STAU2: variants seen among roughly 807,000 people sequenced by gnomAD.
STAU2 encodes staufen double-stranded RNA binding protein 2.
In STAU2, 20 loss-of-function variants were observed where a neutral mutation model predicts 65.9. That is an observed-to-expected ratio of 0.30 (90% CI 0.21 to 0.44). The LOEUF is 0.44. STAU2 is among the 20% of genes least tolerant of loss of function. STAU2 has a pLI of 1.00. For synonymous variants in STAU2, 232 were observed against 233.9 expected (o/e 0.99, Z 0.07); for missense variants, 558 against 683.9 (o/e 0.82, Z 2.05).
At chr8:73,682,334 C>A (rs1340043550) in intron 5 of STAU2, among the ~76,000 whole-genome samples, 5 of 151,614 alleles carry the variant, frequency 3.3e-5, no homozygotes, top group Admixed American at 6.6e-5. Context: ...ACTCAAAAAG[C>A]ATGCAAATAC....
At chr8:73,461,375 C>T (rs896258517) in intron 13 of STAU2, among the ~76,000 whole-genome samples, 1 of 152,012 alleles carries the variant, frequency 6.6e-6, no homozygotes, top group African/African-American at 2.4e-5. Flanking sequence ...AATAATTATT[C>T]CAGCCTTAGT....
intron 6 of STAU2, among the ~76,000 whole-genome samples, chr8:73,624,509 T>C (rs1813496711): frequency 1.3e-5 from 2 of 152,228 alleles, no homozygotes; most frequent in African/African-American, 4.8e-5. Context: ...TGCCAGGCAC[T>C]ATTCCAAGCA....
At position 73,672,741 on chromosome 8, in the gene STAU2, T is replaced by A. The variant is rs530626081; in HGVS notation, c.410+366A>T. Among the ~76,000 whole-genome samples, 29 of 152,112 alleles carry A rather than the reference T, an allele frequency of 1.9e-4. 1 individual carries two copies. The South Asian group carries it at 6.0e-3, about 32-fold the overall frequency. On this transcript the variant is annotated intron_variant, in intron 6 of 14. Transcript: ENST00000524300. Reference sequence around the variant, plus strand: ...ATGTTCACTAATGTATTTAGACAAATCAAGAAAAAAACTGAGCTCTGCTTG... The same window carrying A: ...ATGTTCACTAATGTATTTAGACAAAACAAGAAAAAAACTGAGCTCTGCTTG...
At position 73,466,102 on chromosome 8, in the gene STAU2, C is replaced by T. The variant is rs556961117; in HGVS notation, c.1531-43400G>A. Among the ~76,000 whole-genome samples the T allele has an allele frequency of 2.6e-5, 4 of 152,302 alleles. No homozygotes were observed. The East Asian group carries it at 7.7e-4, about 29-fold the overall frequency. ...TCTCATCTTAAACTCTTGACTAATT[C>T]ATCGAACACAAGAAATGCATTCTTG... On this transcript the variant is annotated intron_variant, in intron 13 of 14. Coordinates refer to ENST00000524300, the MANE Select transcript of STAU2 (RefSeq NM_001164380.2).
chr8:73,559,618 C>G (rs530375201), intron 12 of STAU2, among the ~76,000 whole-genome samples: 9 of 152,160 alleles, frequency 5.9e-5, no homozygotes, highest in Non-Finnish European at 8.8e-5. Context: ...CCCAAGGGAG[C>G]CTACTGGACC....
intron 13 of STAU2, among the ~76,000 whole-genome samples, chr8:73,468,023 C>A (rs1259820643): frequency 6.6e-6 from 1 of 152,200 alleles, no homozygotes; most frequent in Non-Finnish European, 1.5e-5. Context: ...AAGAACAAAG[C>A]TGGAGGCATC....
intron 4 of STAU2, among the ~76,000 whole-genome samples, chr8:73,689,875 G>C (rs1280646182): frequency 6.6e-6 from 1 of 151,838 alleles, no homozygotes; most frequent in Non-Finnish European, 1.5e-5. Flanking sequence ...CAACAACCAT[G>C]TACAATTCTT....
chr8:73,652,582 G>A (rs960965511), intron 6 of STAU2: 3 of 151,788 alleles, frequency 2.0e-5, no homozygotes, highest in Non-Finnish European at 2.9e-5. Context: ...GCGTGCTGGC[G>A]GGCATGCTGG....
intron 4 of STAU2, among the ~76,000 whole-genome samples, chr8:73,701,608 G>A (rs919486209): frequency 6.6e-6 from 1 of 152,126 alleles, no homozygotes; most frequent in Non-Finnish European, 1.5e-5. Context: ...GTGGAGAAAA[G>A]GGTACCCTCA....
chr8:73,448,699 G>T (rs1818615543), intron 13 of STAU2, among the ~76,000 whole-genome samples: 1 of 152,262 alleles, frequency 6.6e-6, no homozygotes, highest in African/African-American at 2.4e-5. Flanking sequence ...GGGGCTGGAA[G>T]ATGACCCACC....
At chr8:73,500,125 T>C (rs1418487991) in intron 13 of STAU2, among the ~76,000 whole-genome samples, 1 of 151,932 alleles carries the variant, frequency 6.6e-6, no homozygotes, top group African/African-American at 2.4e-5. Flanking sequence ...TCTGTCAAGC[T>C]ATTATGGTCC....
At chr8:73,704,522 C>T (rs535112309) in intron 4 of STAU2, among the ~76,000 whole-genome samples, 3 of 152,186 alleles carry the variant, frequency 2.0e-5, no homozygotes, top group South Asian at 4.1e-4. Flanking sequence ...GTTACAGATG[C>T]ATACCAAAGC....
At chr8:73,603,690 TA>T (rs745536823) in intron 10 of STAU2, 35 bp downstream of exon 10, 4 of 1,597,580 alleles carry the variant, frequency 2.5e-6, no homozygotes, top group Non-Finnish European at 3.4e-6. Context: ...TGGGGATTTC[TA>T]AATCTTTTCA....
intron 4 of STAU2, among the ~76,000 whole-genome samples, chr8:73,689,833 C>T (rs1397739589): frequency 1.3e-5 from 2 of 152,050 alleles, no homozygotes; most frequent in Non-Finnish European, 2.9e-5. Flanking sequence ...ACGTCATGTG[C>T]CCCCTGATAC....
At chr8:73,459,891 G>T (rs989054529) in intron 13 of STAU2, among the ~76,000 whole-genome samples, 1 of 152,134 alleles carries the variant, frequency 6.6e-6, no homozygotes, top group Non-Finnish European at 1.5e-5. Flanking sequence ...AACTCCTATC[G>T]GGCACGGCTC....
intron 6 of STAU2, among the ~76,000 whole-genome samples, chr8:73,622,883 A>G: frequency 6.6e-6 from 1 of 152,232 alleles, no homozygotes; most frequent in African/African-American, 2.4e-5. Flanking sequence ...TAAATCTGAC[A>G]AATGCTGCTT....
intron 13 of STAU2, among the ~76,000 whole-genome samples, chr8:73,467,824 A>G (rs1036486140): frequency 5.9e-5 from 9 of 152,230 alleles, no homozygotes; most frequent in African/African-American, 1.9e-4. Flanking sequence ...CAAATGGAAG[A>G]ACATTCCATG....
chr8:73,443,292 G>A lies in STAU2; in HGVS notation c.1531-20590C>T, dbSNP rs141344850. On this transcript the variant is annotated intron_variant, in intron 13 of 14. Coordinates refer to ENST00000524300, the MANE Select transcript of STAU2 (RefSeq NM_001164380.2). The stretch of plus-strand genomic sequence containing the variant: ...AGGCTAGAAGAATTTGCTGGAAGTC[G>A]GAGGGAGAAGCGGTTTCTAAAAGCA... Among the ~76,000 whole-genome samples, 1,263 of 152,330 alleles carry A rather than the reference G, an allele frequency of 8.3e-3. 40 individuals are homozygous for A. Among genetic ancestry groups the A allele is most frequent in the Admixed American group, 0.057 (878 of 15,296 alleles).
chr8:73,501,681 ACCC>A (rs1240927909), intron 13 of STAU2, among the ~76,000 whole-genome samples: 2 of 152,012 alleles, frequency 1.3e-5, no homozygotes, highest in East Asian at 3.9e-4. Context: ...GTTCTCCCTT[ACCC>A]ATTAGAGAAT....
Sources: gnomAD v4.1 joint callset for allele counts (sites outside exome capture counted in the v4.1 genomes callset) on GRCh38, gnomAD v4.1.1 for gene constraint, MANE v1.5 for transcripts, NCBI Gene and HGNC (gene_info 2026-07-23, HGNC 2026-07-21) for gene names.